Variants in BCKDHB observed in about 807,000 individuals in gnomAD.
BCKDHB encodes 2-oxoisovalerate dehydrogenase subunit beta, mitochondrial.
In BCKDHB, 41 loss-of-function variants were observed where a neutral mutation model predicts 48.5. That is an observed-to-expected ratio of 0.85 (90% CI 0.66 to 1.10). BCKDHB has a LOEUF of 1.10. BCKDHB is among the 50% of genes least tolerant of loss of function. The pLI is 0.00. For synonymous variants in BCKDHB, 201 were observed against 174.8 expected (o/e 1.15, Z -1.18); for missense variants, 496 against 494.2 (o/e 1.00, Z -0.03).
At chr6:80,294,202 A>G (rs1767097745) in intron 9 of BCKDHB, among the ~76,000 whole-genome samples, 1 of 152,200 alleles carries the variant, frequency 6.6e-6, no homozygotes, top group Non-Finnish European at 1.5e-5. Flanking sequence ...ATAAATTGTG[A>G]AGATTTCATG....
chr6:80,278,608 G>A (rs1221325760), intron 9 of BCKDHB, among the ~76,000 whole-genome samples: 5 of 152,132 alleles, frequency 3.3e-5, no homozygotes, highest in Non-Finnish European at 4.4e-5. Flanking sequence ...CGCCCAGGCT[G>A]GAGTGCAGTG....
intron 9 of BCKDHB, among the ~76,000 whole-genome samples, chr6:80,313,966 G>A (rs1182424158): frequency 6.6e-6 from 1 of 152,078 alleles, no homozygotes; most frequent in African/African-American, 2.4e-5. Flanking sequence ...GTGGTGCTTT[G>A]TATCTTTGTT....
At chr6:80,263,449 C>A (rs687702) in intron 8 of BCKDHB, among the ~76,000 whole-genome samples, 136,352 of 152,222 alleles carry the variant, frequency 0.9, 61,111 homozygotes, top group Middle Eastern at 0.96. Context: ...ATATACACTA[C>A]AAAAGATATG....
At chr6:80,337,688 G>T (rs886239305) in intron 9 of BCKDHB, among the ~76,000 whole-genome samples, 1 of 151,948 alleles carries the variant, frequency 6.6e-6, no homozygotes, top group Admixed American at 6.6e-5. Flanking sequence ...TGTTGTGGTA[G>T]TATAATGATT....
chr6:80,219,948 T>G (rs917923158), intron 8 of BCKDHB, among the ~76,000 whole-genome samples: 1 of 152,160 alleles, frequency 6.6e-6, no homozygotes, highest in Non-Finnish European at 1.5e-5. Context: ...GCTTTTGTGA[T>G]TTTTTGATAC....
intron 9 of BCKDHB, among the ~76,000 whole-genome samples, chr6:80,330,706 A>G (rs957345285): frequency 7.2e-5 from 7 of 97,874 alleles, no homozygotes; most frequent in South Asian, 2.9e-4. Flanking sequence ...AGAAACAACT[A>G]CAGGTATGAA....
intron 9 of BCKDHB, among the ~76,000 whole-genome samples, chr6:80,334,342 TCTTA>T (rs2128012028): frequency 6.6e-6 from 1 of 152,266 alleles, no homozygotes; most frequent in East Asian, 1.9e-4. Context: ...AGCAATTTTT[TCTTA>T]CTTAGGTCAG....
the BCKDHB span, among the ~76,000 whole-genome samples, chr6:80,447,469 A>G: frequency 8.0e-5 from 12 of 149,638 alleles, no homozygotes; most frequent in Admixed American, 3.4e-4. Context: ...ATATATACAT[A>G]TATACAGTTT....
chr6:80,398,391 G>T, the BCKDHB span, among the ~76,000 whole-genome samples: 1 of 152,132 alleles, frequency 6.6e-6, no homozygotes, highest in Admixed American at 6.5e-5. Context: ...ACTACAAAGT[G>T]AATGTTACCA....
downstream of BCKDHB, among the ~76,000 whole-genome samples, chr6:80,349,838 CACTTT>C (rs1409445739): frequency 2.0e-5 from 3 of 152,078 alleles, no homozygotes; most frequent in African/African-American, 4.8e-5. Context: ...ATGACTTTAT[CACTTT>C]ACTTGCAATT....
chr6:80,345,582 A>G lies in BCKDHB; in HGVS notation c.*1778A>G, dbSNP rs7758761. 118,245 of 152,168 alleles carry G rather than the reference A, an allele frequency of 0.78. 46,309 individuals carry two copies. Among genetic ancestry groups the G allele is most frequent in the Admixed American group, 0.84 (12,773 of 15,290 alleles). 9.4% of individuals were successfully genotyped at this position (152,168 alleles called of 1,614,324 possible). A position where few individuals can be genotyped will look rare whatever the true frequency, so the allele number is the denominator to read the frequency against. On this transcript the variant is annotated 3_prime_UTR_variant, in exon 10 of 10. Transcript: ENST00000320393. ...GTTAGGACCATTAGCCCACAGATGC[A>G]TGTATTCTCTCAGACATACCGGTGT...
chr6:80,194,387 G>A (rs1415595322), intron 6 of BCKDHB, among the ~76,000 whole-genome samples: 2 of 152,112 alleles, frequency 1.3e-5, no homozygotes, highest in Non-Finnish European at 2.9e-5. Context: ...ACATTAGCAT[G>A]GATACAATAC....
intron 1 of BCKDHB, among the ~76,000 whole-genome samples, chr6:80,114,812 G>T (rs1769600099): frequency 6.6e-6 from 1 of 152,154 alleles, no homozygotes. Flanking sequence ...TCAGAGGAGA[G>T]GCCTGGCTGG....
At chr6:80,400,497 A>G in the BCKDHB span, among the ~76,000 whole-genome samples, 1 of 152,154 alleles carries the variant, frequency 6.6e-6, no homozygotes, top group Non-Finnish European at 1.5e-5. Context: ...CATTAGAAAA[A>G]TGCAAATCAA....
intron 9 of BCKDHB, among the ~76,000 whole-genome samples, chr6:80,338,395 C>T (rs1204337388): frequency 6.6e-6 from 1 of 152,158 alleles, no homozygotes; most frequent in African/African-American, 2.4e-5. Context: ...CAGCCCCCGA[C>T]CCCGGAACCA....
In BCKDHB at chr6:80,307,684, T is replaced by A. The variant is rs73748786; in HGVS notation, c.1038+34463T>A. 3,653 of 973,498 alleles carry A rather than the reference T, an allele frequency of 3.8e-3. 97 individuals carry two copies. In the African/African-American group the frequency reaches 0.058, roughly 16 times the overall value. 60.3% of individuals were successfully genotyped at this position (973,498 alleles called of 1,614,324 possible). Reference sequence around the variant, plus strand: ...ATTATTTGTATTCACATTAGGCCTATTTTAACACACAACACTGTGTAAATG... The same window carrying A: ...ATTATTTGTATTCACATTAGGCCTAATTTAACACACAACACTGTGTAAATG... On this transcript the variant is annotated intron_variant, in intron 9 of 9. Transcript: ENST00000320393.
chr6:80,375,836 TG>T, the BCKDHB span, among the ~76,000 whole-genome samples: 3 of 152,166 alleles, frequency 2.0e-5, no homozygotes, highest in Admixed American at 6.5e-5. Context: ...TTTTTTCCCA[TG>T]GGGAGCTTGC....
rs575991853 is a variant in BCKDHB, at chr6:80,177,225, C to CAAA, written c.742+5863_742+5865dup. On this transcript the variant is annotated intron_variant, in intron 6 of 9. Coordinates refer to ENST00000320393, the MANE Select transcript of BCKDHB (RefSeq NM_183050.4). ...CCTGGATGACAGTGAGACCTTGTCT[C>CAAA]AAAAAAAAAAAAAAAAAAAAAAAAA... 3.5e-4 allele frequency among the ~76,000 whole-genome samples: 15 copies of CAAA among 43,158 alleles called. 1 individual carries two copies. Among genetic ancestry groups the CAAA allele is most frequent in the African/African-American group, 4.8e-4 (5 of 10,464 alleles). 28.3% of individuals were successfully genotyped at this position (43,158 alleles called of 152,430 possible). A position where few individuals can be genotyped will look rare whatever the true frequency, so the allele number is the denominator to read the frequency against.
chr6:80,414,409 G>A, the BCKDHB span, among the ~76,000 whole-genome samples: 1 of 151,986 alleles, frequency 6.6e-6, no homozygotes, highest in African/African-American at 2.4e-5. Flanking sequence ...TGCCTTCCAA[G>A]GTTTTCATAG....
Sources: gnomAD v4.1 joint callset for allele counts (sites outside exome capture counted in the v4.1 genomes callset) on GRCh38, gnomAD v4.1.1 for gene constraint, MANE v1.5 for transcripts, NCBI Gene and HGNC (gene_info 2026-07-23, HGNC 2026-07-21) for gene names.